Variants in DGKB observed in about 807,000 individuals in gnomAD.
DGKB encodes the protein diacylglycerol kinase beta.
In DGKB, 67 loss-of-function variants were observed where a neutral mutation model predicts 114.3. The ratio of observed to expected loss-of-function variants is 0.59; its 90% confidence interval spans 0.48 to 0.72. DGKB has a LOEUF of 0.72. Among genes scored for constraint, DGKB ranks in the 30% least tolerant of loss-of-function variants. The pLI is 0.00. For missense variants in DGKB, 907 were observed against 975.2 expected, an observed-to-expected ratio of 0.93 and a Z score of 0.93; for synonymous variants, 398 against 323.1, an observed-to-expected ratio of 1.23 and a Z score of -2.49.
intron 1 of DGKB, among the ~76,000 whole-genome samples, chr7:14,851,013 A>T (rs946229033): frequency 6.6e-6 from 1 of 152,186 alleles, no homozygotes; most frequent in Non-Finnish European, 1.5e-5. Context: ...AAGAAATAGC[A>T]TGTGCACAGT....
At chr7:14,544,358 G>A (rs1363241674) in intron 20 of DGKB, among the ~76,000 whole-genome samples, 2 of 152,146 alleles carry the variant, frequency 1.3e-5, no homozygotes, top group Non-Finnish European at 2.9e-5. Flanking sequence ...AAAAGTAGTG[G>A]TTTGTATTAG....
At chr7:14,374,565 A>G (rs1818186840) in intron 21 of DGKB, among the ~76,000 whole-genome samples, 1 of 152,198 alleles carries the variant, frequency 6.6e-6, no homozygotes, top group Non-Finnish European at 1.5e-5. Flanking sequence ...AAGCCTTCAG[A>G]GACTTCATTT....
At chr7:14,473,525 C>T (rs1781726242) in intron 21 of DGKB, among the ~76,000 whole-genome samples, 2 of 152,176 alleles carry the variant, frequency 1.3e-5, no homozygotes, top group African/African-American at 2.4e-5. Context: ...CACAATGCAT[C>T]CCTACTGGGG....
chr7:14,530,798 T>C (rs1032639407), intron 20 of DGKB, among the ~76,000 whole-genome samples: 2 of 151,632 alleles, frequency 1.3e-5, no homozygotes, highest in Non-Finnish European at 3.0e-5. Context: ...GTTGTTCTTG[T>C]ATAGAATGTC....
intron 13 of DGKB, among the ~76,000 whole-genome samples, chr7:14,657,010 G>T (rs536592968): frequency 4.0e-5 from 6 of 151,806 alleles, no homozygotes; most frequent in African/African-American, 1.4e-4. Context: ...CAATGTAACA[G>T]ATAAATGGTT....
At chr7:14,320,847 T>C (rs987348549) in intron 23 of DGKB, among the ~76,000 whole-genome samples, 1 of 152,004 alleles carries the variant, frequency 6.6e-6, no homozygotes, top group Non-Finnish European at 1.5e-5. Flanking sequence ...AATGATGACA[T>C]GATAGGAAAA....
chr7:14,553,100 T>G (rs770784917), intron 20 of DGKB, among the ~76,000 whole-genome samples: 1 of 152,200 alleles, frequency 6.6e-6, no homozygotes, highest in Non-Finnish European at 1.5e-5. Flanking sequence ...TTTGCCACGG[T>G]CAGCTCAAGC....
intron 2 of DGKB, among the ~76,000 whole-genome samples, chr7:14,806,168 T>C (rs1048626483): frequency 6.6e-6 from 1 of 152,000 alleles, no homozygotes; most frequent in Non-Finnish European, 1.5e-5. Flanking sequence ...GTTATGACTC[T>C]AGCTTAATTT....
intron 25 of DGKB, among the ~76,000 whole-genome samples, chr7:14,161,359 C>A (rs1331977587): frequency 1.3e-5 from 2 of 152,178 alleles, no homozygotes; most frequent in Non-Finnish European, 2.9e-5. Context: ...AAGACAGATG[C>A]ACCTGTATGT....
intron 24 of DGKB, 73 bp downstream of exon 24, chr7:14,177,958 G>A (rs560081424): frequency 3.5e-6 from 5 of 1,421,704 alleles, no homozygotes; most frequent in African/African-American, 2.9e-5. Context: ...TACTATCAGA[G>A]TTCTGCATAC....
chr7:14,331,076 TCTTATTAAGCATATG>T (rs1482316745), intron 23 of DGKB, among the ~76,000 whole-genome samples: 18 of 152,026 alleles, frequency 1.2e-4, no homozygotes, highest in African/African-American at 4.3e-4. Flanking sequence ...TGATATTTAG[TCTTATTAAGCATATG>T]CTATTATTTG....
intron 23 of DGKB, among the ~76,000 whole-genome samples, chr7:14,194,801 T>G (rs1348921618): frequency 1.3e-5 from 2 of 152,254 alleles, no homozygotes; most frequent in East Asian, 3.9e-4. Flanking sequence ...CGGAGCTGAC[T>G]ATAACTTTGT....
chr7:14,218,363 C>T (rs1562650451), intron 23 of DGKB, among the ~76,000 whole-genome samples: 2 of 152,078 alleles, frequency 1.3e-5, no homozygotes, highest in South Asian at 2.1e-4. Flanking sequence ...CAAGATTACT[C>T]TATTTGTCTC....
intron 1 of DGKB, among the ~76,000 whole-genome samples, chr7:14,926,039 AT>A (rs1189472927): frequency 6.6e-6 from 1 of 152,036 alleles, no homozygotes; most frequent in Non-Finnish European, 1.5e-5. Flanking sequence ...GTTTCTGTAG[AT>A]TTTCTTTACC....
chr7:14,254,889 G>A (rs1326526265), intron 23 of DGKB, among the ~76,000 whole-genome samples: 1 of 152,124 alleles, frequency 6.6e-6, no homozygotes, highest in Admixed American at 6.6e-5. Flanking sequence ...CTTACCATGA[G>A]TATTCACAAA....
intron 23 of DGKB, among the ~76,000 whole-genome samples, chr7:14,283,310 T>C (rs1486065845): frequency 4.0e-5 from 6 of 151,316 alleles, no homozygotes; most frequent in South Asian, 2.1e-4. Flanking sequence ...TTACAAGGGA[T>C]GTGAAGGACC....
chr7:14,944,880 A>G (rs544640589), intron 1 of DGKB, among the ~76,000 whole-genome samples: 15 of 152,006 alleles, frequency 9.9e-5, no homozygotes, highest in African/African-American at 3.4e-4. Context: ...TCATAAGGTA[A>G]TATTAGAAGC....
At chr7:14,936,413 A>G (rs1785273769) in intron 1 of DGKB, among the ~76,000 whole-genome samples, 1 of 152,178 alleles carries the variant, frequency 6.6e-6, no homozygotes, top group African/African-American at 2.4e-5. Context: ...AGTTTTAGAG[A>G]GTAATTAAAG....
chr7:14,334,999 G>A (rs1228038083), intron 23 of DGKB, among the ~76,000 whole-genome samples: 1 of 152,166 alleles, frequency 6.6e-6, no homozygotes, highest in African/African-American at 2.4e-5. Flanking sequence ...TTATGTTTCA[G>A]AATTGCATCC....
Sources: gnomAD v4.1 joint callset for allele counts (sites outside exome capture counted in the v4.1 genomes callset) on GRCh38, gnomAD v4.1.1 for gene constraint, MANE v1.5 for transcripts, NCBI Gene and HGNC (gene_info 2026-07-23, HGNC 2026-07-21) for gene names.